HMGN5: variants seen among roughly 807,000 people sequenced by gnomAD.
HMGN5 encodes the protein high mobility group nucleosome binding domain 5, also known as high mobility group nucleosome-binding domain-containing protein 5.
Under a neutral mutation model 9.5 loss-of-function variants are expected in HMGN5, and 4 were observed. The observed-to-expected ratio is 0.42, with a 90% CI of 0.21 to 0.96. The LOEUF (loss-of-function observed/expected upper bound fraction) is 0.96. HMGN5 is among the 40% of genes least tolerant of loss of function. The pLI is 0.30. For missense variants in HMGN5, 192 were observed against 187.5 expected (o/e 1.02, Z -0.14); for synonymous variants, 55 against 57.1 (o/e 0.96, Z 0.16).
intron 1 of HMGN5, among the ~76,000 whole-genome samples, chrX:81,146,546 G>C (rs1406854804): frequency 9.0e-6 from 1 of 111,657 alleles, no homozygotes. Context: ...GAGAAAGAAA[G>C]AAAGATCTAA....
chrX:81,130,864 T>G (rs760034102), intron 1 of HMGN5, among the ~76,000 whole-genome samples: 3 of 111,195 alleles, frequency 2.7e-5, no homozygotes, highest in East Asian at 2.8e-4. Flanking sequence ...TAAAAATAAG[T>G]GTGCTTATAA....
chrX:81,152,926 T>A (rs5959828), intron 1 of HMGN5, among the ~76,000 whole-genome samples: 4,339 of 97,695 alleles, frequency 0.044, 270 homozygotes, highest in African/African-American at 0.16. Context: ...GTTCTCACTC[T>A]TAGATGGGAA....
chrX:81,158,318 C>T (rs1041393722), intron 1 of HMGN5, among the ~76,000 whole-genome samples: 8 of 112,003 alleles, frequency 7.1e-5, no homozygotes, highest in African/African-American at 2.6e-4. Flanking sequence ...TTCTCTGCAA[C>T]CTTGCCAGCA....
intron 2 of HMGN5, among the ~76,000 whole-genome samples, chrX:81,121,053 G>A (rs1316557517): frequency 9.2e-6 from 1 of 108,952 alleles, no homozygotes; most frequent in Non-Finnish European, 1.9e-5. Context: ...AAGAAGTGGA[G>A]GAGGAGGGAA....
chrX:81,170,844 C>G (rs1341125428), intron 1 of HMGN5, among the ~76,000 whole-genome samples: 2 of 110,816 alleles, frequency 1.8e-5, no homozygotes, highest in Non-Finnish European at 3.8e-5. Flanking sequence ...TCAATCCTTC[C>G]AGCAACCCTG....
rs1241095626 is a variant in HMGN5, at chrX:81,120,244, G to T, written c.16-427C>A. On this transcript the variant is annotated intron_variant, in intron 2 of 6. Coordinates refer to ENST00000358130, the MANE Select transcript of HMGN5 (RefSeq NM_030763.3). The stretch of plus-strand genomic sequence containing the variant: ...TATCTTATCCTCTCCACTGATTCTG[G>T]ACTATTTTCTCCAAGTTTTGCATGC... Among the ~76,000 whole-genome samples the T allele has an allele frequency of 3.6e-5, 4 of 111,432 alleles. No homozygotes were observed. The Admixed American group carries it at 3.8e-4, about 11-fold the overall frequency.
At chrX:81,123,932 C>G (rs2075275855) in intron 1 of HMGN5, among the ~76,000 whole-genome samples, 1 of 111,919 alleles carries the variant, frequency 8.9e-6, no homozygotes, top group Non-Finnish European at 1.9e-5. Context: ...TGTTACATTA[C>G]AGCAAATGCA....
chrX:81,139,387 A>G (rs929624392), intron 1 of HMGN5, among the ~76,000 whole-genome samples: 11 of 111,756 alleles, frequency 9.8e-5, no homozygotes, highest in Non-Finnish European at 1.9e-4. Flanking sequence ...CCTTGACCTT[A>G]ACTTACACCT....
chrX:81,159,577 A>T (rs772075545), intron 1 of HMGN5, among the ~76,000 whole-genome samples: 1 of 111,397 alleles, frequency 9.0e-6, no homozygotes, highest in Non-Finnish European at 1.9e-5. Context: ...AAGATGAATC[A>T]ATAACCATTT....
chrX:81,140,703 T>G (rs915441873), intron 1 of HMGN5, among the ~76,000 whole-genome samples: 1 of 111,386 alleles, frequency 9.0e-6, no homozygotes, highest in African/African-American at 3.3e-5. Flanking sequence ...TGAGACTTTC[T>G]GCCTTCAGGT....
intron 1 of HMGN5, among the ~76,000 whole-genome samples, chrX:81,156,867 GA>G (rs1186642413): frequency 2.7e-5 from 3 of 110,949 alleles, no homozygotes; most frequent in East Asian, 5.7e-4. Flanking sequence ...AGGCACCCCT[GA>G]ATAACCTGTG....
chrX:81,193,224 T>C (rs1416609061), intron 1 of HMGN5, among the ~76,000 whole-genome samples: 2 of 111,662 alleles, frequency 1.8e-5, no homozygotes, highest in African/African-American at 6.5e-5. Context: ...CCTTGTTCAT[T>C]GGGCTGTAAG....
intron 1 of HMGN5, among the ~76,000 whole-genome samples, chrX:81,141,462 CAG>C (rs35363364): frequency 0.17 from 16,167 of 93,820 alleles, 1,397 homozygotes; most frequent in East Asian, 0.72. Context: ...TGATGCAAAA[CAG>C]AGAGAGAGAG....
In HMGN5 at chrX:81,159,800, A is replaced by G. The variant is rs375399474; in HGVS notation, c.-123-38128T>C. On this transcript the variant is annotated intron_variant, in intron 1 of 6. Coordinates refer to ENST00000358130, the MANE Select transcript of HMGN5 (RefSeq NM_030763.3). ...TTCCTAAAGTGTTGGGATTACAGGC[A>G]TGAGCCATAGTCAGTTTTTTAATAC... Among the ~76,000 whole-genome samples, 10 of 111,028 alleles carry G rather than the reference A, an allele frequency of 9.0e-5. No homozygotes were observed. In the East Asian group the frequency reaches 1.1e-3, roughly 13 times the overall value.
At chrX:81,119,001 C>G (rs2075261741) in intron 3 of HMGN5, among the ~76,000 whole-genome samples, 1 of 111,765 alleles carries the variant, frequency 8.9e-6, no homozygotes. Flanking sequence ...AACACAGTAG[C>G]TAGTAACAAG....
At chrX:81,154,025 T>G (rs941030307) in intron 1 of HMGN5, among the ~76,000 whole-genome samples, 2 of 109,710 alleles carry the variant, frequency 1.8e-5, no homozygotes, top group African/African-American at 6.6e-5. Context: ...ATTCTAAAAT[T>G]TATAGGGAAC....
chrX:81,159,243 T>C (rs945937942), intron 1 of HMGN5, among the ~76,000 whole-genome samples: 4 of 108,765 alleles, frequency 3.7e-5, no homozygotes, highest in Non-Finnish European at 7.6e-5. Context: ...GGGGATAGAG[T>C]GTGGGGAGAA....
chrX:81,187,085 T>A (rs946836567), intron 1 of HMGN5, among the ~76,000 whole-genome samples: 48 of 112,076 alleles, frequency 4.3e-4, no homozygotes, highest in African/African-American at 1.3e-3. Context: ...TCAATATTTT[T>A]AAAAATTTTT....
intron 6 of HMGN5, among the ~76,000 whole-genome samples, chrX:81,115,922 A>T (rs1342086665): frequency 8.9e-6 from 1 of 112,073 alleles, no homozygotes; most frequent in Non-Finnish European, 1.9e-5. Flanking sequence ...AGGAATAAAG[A>T]TTGGCTTGTA....
Sources: allele counts gnomAD v4.1 joint callset (sites outside exome capture counted in the v4.1 genomes callset), GRCh38; gene constraint gnomAD v4.1.1; transcripts MANE v1.5; gene names NCBI Gene and HGNC (gene_info 2026-07-23, HGNC 2026-07-21).